SPATA21: variants seen among roughly 807,000 people sequenced by gnomAD.
The protein encoded by SPATA21 is spermatogenesis-associated protein 21.
SPATA21 carries 47 observed loss-of-function variants against 54.8 expected under a neutral mutation model. The ratio of observed to expected loss-of-function variants is 0.86; its 90% confidence interval spans 0.68 to 1.09. The LOEUF (loss-of-function observed/expected upper bound fraction) is 1.09, where lower values mean the gene tolerates loss of function less well. SPATA21 is among the 50% of genes least tolerant of loss of function. The pLI is 0.00. For missense variants in SPATA21, 599 were observed against 596.4 expected (o/e 1.00, Z -0.05); for synonymous variants, 245 against 235.3 (o/e 1.04, Z -0.38).
Position 16,409,011 on chromosome 1 carries a change from G to T in SPATA21, c.673+107C>A. 1.7e-6 allele frequency: 2 copies of T among 1,176,054 alleles called. No homozygotes were observed. Among genetic ancestry groups the T allele is most frequent in the Non-Finnish European group, 2.5e-6 (2 of 807,364 alleles). 72.9% of individuals were successfully genotyped at this position (1,176,054 alleles called of 1,614,324 possible). The stretch of plus-strand genomic sequence containing the variant: ...CCCTGCTGGGTCTGCTACACATGGC[G>T]GCAGCCATGTGATCTGGAAAGCACC... On this transcript the variant is annotated intron_variant, in intron 7 of 12. Transcript: ENST00000335496. The surrounding 1 kb of genome is among the most constrained non-coding windows in gnomAD (Gnocchi z 4.1).
At chr1:16,425,477 C>T (rs2100878568) in intron 3 of SPATA21, 1 of 1,534,868 alleles carries the variant, frequency 6.5e-7, no homozygotes, top group Non-Finnish European at 8.8e-7. Context: ...TTCACCTCCT[C>T]TGTGGTAGGT....
At chr1:16,402,919 C>T (rs1190404580) in intron 10 of SPATA21, among the ~76,000 whole-genome samples, 2 of 152,292 alleles carry the variant, frequency 1.3e-5, no homozygotes, top group African/African-American at 4.8e-5. Flanking sequence ...GAGCGAGACC[C>T]GGCCACCTCT....
chr1:16,422,081 C>T (rs1370502450), intron 3 of SPATA21, 110 bp from the exon 4 acceptor site: 1 of 1,582,722 alleles, frequency 6.3e-7, no homozygotes, highest in East Asian at 2.2e-5. Context: ...GGACACCTGC[C>T]TCCTTGGGGT....
downstream of SPATA21, among the ~76,000 whole-genome samples, chr1:16,398,407 G>A (rs1461962611): frequency 6.6e-6 from 1 of 152,192 alleles, no homozygotes. Flanking sequence ...AGAGCCAGTG[G>A]AGAGAGAGAA....
Position 16,409,011 on chromosome 1 carries a change from G to A in SPATA21, c.673+107C>T, listed in dbSNP as rs563051842. ...CCCTGCTGGGTCTGCTACACATGGC[G>A]GCAGCCATGTGATCTGGAAAGCACC... On this transcript the variant is annotated intron_variant, in intron 7 of 12. Transcript: ENST00000335496. This position sits in a 1 kb window ranked among gnomAD's most constrained non-coding sequence, Gnocchi z 4.1. The A allele has an allele frequency of 3.8e-5, 45 of 1,176,058 alleles. No individual in the cohort carries two copies. The highest frequency in any genetic ancestry group is 5.8e-5 in the Admixed American group (3 of 51,642). The allele number at this position is 1,176,058 out of a possible 1,614,324, so 72.9% of individuals were successfully genotyped here.
chr1:16,409,201 T>C lies in SPATA21; in HGVS notation c.590A>G (p.Gln197Arg), dbSNP rs764015139. The C allele has an allele frequency of 2.5e-6, 4 of 1,614,074 alleles. No homozygotes were observed. The highest frequency in any genetic ancestry group is 4.5e-5 in the East Asian group (2 of 44,860). ...ERTLSYAKAR[Q>R]EPEEQSLQKL... ...TTGGAGGCTCTGCTCTTCCGGCTCC[T>C]GCCTGCAGAGGACAGAACCCCGACC... The change falls in exon 7 of 13, where the codon CAG becomes CGG. Residue 197 changes from glutamine (Q) to arginine (R), a missense_variant and splice_region_variant. Coordinates refer to ENST00000335496, the MANE Select transcript of SPATA21 (RefSeq NM_198546.1). This position sits in a 1 kb window ranked among gnomAD's most constrained non-coding sequence, Gnocchi z 4.1.
chr1:16,398,873 A>C (rs374273615), intron 12 of SPATA21, 51 bp from the exon 13 acceptor site: 2 of 1,571,208 alleles, frequency 1.3e-6, no homozygotes, highest in South Asian at 1.2e-5. Flanking sequence ...CCCTTTCCCT[A>C]TCTGCCAGTA....
chr1:16,396,788 C>T (rs1278783156), downstream of SPATA21: 1 of 152,366 alleles, frequency 6.6e-6, no homozygotes, highest in Non-Finnish European at 1.5e-5. Flanking sequence ...CATGCCCCAA[C>T]ACGTCCTCTC....
In SPATA21 at chr1:16,402,320, G is replaced by A. The variant is rs1441455309; in HGVS notation, c.1001+1407C>T. Among the ~76,000 whole-genome samples, 10 of 136,938 alleles carry A rather than the reference G, an allele frequency of 7.3e-5. 1 individual carries two copies. In the South Asian group the frequency reaches 9.2e-4, roughly 13 times the overall value. 89.8% of individuals were successfully genotyped at this position (136,938 alleles called of 152,430 possible). On this transcript the variant is annotated intron_variant, in intron 10 of 12. Coordinates refer to ENST00000335496, the MANE Select transcript of SPATA21 (RefSeq NM_198546.1). The stretch of plus-strand genomic sequence containing the variant: ...CTTGTTGCCCAGGCTGGAGTGCAGT[G>A]GTGGCATCTCAGCTCACTGCAACCT...
downstream of SPATA21, chr1:16,396,435 T>G (rs1312662013): frequency 6.6e-6 from 1 of 152,186 alleles, no homozygotes; most frequent in African/African-American, 2.4e-5. Context: ...CGTCACCCCT[T>G]TTTCCAGAGC....
chr1:16,407,482 C>T (rs974133032), intron 7 of SPATA21, among the ~76,000 whole-genome samples: 4 of 152,038 alleles, frequency 2.6e-5, no homozygotes, highest in Non-Finnish European at 4.4e-5. Flanking sequence ...ATTTTTGAGA[C>T]GGAGTCTCTC....
chr1:16,404,508 AAG>A (rs1322367685), intron 8 of SPATA21, among the ~76,000 whole-genome samples: 3 of 152,008 alleles, frequency 2.0e-5, no homozygotes, highest in African/African-American at 7.2e-5. Flanking sequence ...AAAGGAAAAA[AAG>A]AAAAATTGTT....
chr1:16,431,991 A>ACATCTGTC (rs1416624322), intron 2 of SPATA21, among the ~76,000 whole-genome samples: 2 of 152,090 alleles, frequency 1.3e-5, no homozygotes, highest in African/African-American at 4.8e-5. Context: ...AGAACTAGGG[A>ACATCTGTC]CATCTGTCCA....
chr1:16,431,466 T>C, intron 2 of SPATA21, 44 bp from the exon 3 acceptor site: 1 of 1,556,482 alleles, frequency 6.4e-7, no homozygotes, highest in Non-Finnish European at 8.7e-7. Flanking sequence ...GCCCATCACC[T>C]AACTGCTGCT....
intron 7 of SPATA21, among the ~76,000 whole-genome samples, chr1:16,406,082 C>T (rs1019380744): frequency 2.0e-5 from 3 of 152,066 alleles, no homozygotes; most frequent in Non-Finnish European, 4.4e-5. Context: ...ATGGAATAGA[C>T]AGCAGAGTGA....
At chr1:16,418,319 C>T (rs1034634377) in intron 5 of SPATA21, among the ~76,000 whole-genome samples, 25 of 151,946 alleles carry the variant, frequency 1.6e-4, no homozygotes, top group African/African-American at 5.3e-4. Context: ...TCGCCCAGGC[C>T]GGAGTGCAGT....
chr1:16,413,787 A>G (rs1174037499), intron 5 of SPATA21, among the ~76,000 whole-genome samples: 1 of 151,434 alleles, frequency 6.6e-6, no homozygotes, highest in Non-Finnish European at 1.5e-5. Context: ...TAATTTTTGT[A>G]TTTTTAGTAG....
intron 3 of SPATA21, chr1:16,427,766 C>T: frequency 7.3e-7 from 1 of 1,367,016 alleles, no homozygotes; most frequent in Non-Finnish European, 9.8e-7. Context: ...GGTGGAGCTG[C>T]CTTGGCCTGG....
At chr1:16,427,883 C>T (rs2086362506) in intron 3 of SPATA21, 3 of 1,549,164 alleles carry the variant, frequency 1.9e-6, no homozygotes, top group Non-Finnish European at 2.6e-6. Context: ...GCTGGAGGCC[C>T]CTGCTCCTGG....
Sources: gnomAD v4.1 joint callset for allele counts (sites outside exome capture counted in the v4.1 genomes callset) on GRCh38, gnomAD v4.1.1 for gene constraint, Gnocchi (gnomAD v3.1) non-coding constraint, MANE v1.5 for transcripts, NCBI Gene and HGNC (gene_info 2026-07-23, HGNC 2026-07-21) for gene names.